Variants in CNTN3 observed in about 807,000 individuals in gnomAD.
CNTN3 encodes contactin 3, also known as contactin-3.
CNTN3 carries 60 observed loss-of-function variants against 119.1 expected under a neutral mutation model. That is an observed-to-expected ratio of 0.50 (90% confidence interval 0.41 to 0.62). CNTN3 has a LOEUF of 0.62. CNTN3 is among the 20% of genes least tolerant of loss of function. The pLI, the probability that CNTN3 is intolerant of heterozygous loss-of-function variation, is 0.00. For synonymous variants in CNTN3, 450 were observed against 438.7 expected, an observed-to-expected ratio of 1.03 and a Z score of -0.32; for missense variants, 1,101 against 1,242.4, an observed-to-expected ratio of 0.89 and a Z score of 1.71.
At chr3:74,484,660 A>T (rs879397450) in intron 4 of CNTN3, among the ~76,000 whole-genome samples, 3 of 152,174 alleles carry the variant, frequency 2.0e-5, no homozygotes, top group Non-Finnish European at 4.4e-5. Context: ...ATGAAGAAAA[A>T]ATAATCCTCC....
At chr3:74,390,740 C>T (rs142889019) in intron 5 of CNTN3, among the ~76,000 whole-genome samples, 123 of 152,244 alleles carry the variant, frequency 8.1e-4, no homozygotes, top group African/African-American at 2.8e-3. Flanking sequence ...TAACACTTAG[C>T]AGATGCTTCC....
intron 11 of CNTN3, among the ~76,000 whole-genome samples, chr3:74,339,538 T>C (rs1397187518): frequency 2.0e-5 from 3 of 152,168 alleles, no homozygotes; most frequent in Non-Finnish European, 4.4e-5. Context: ...ACATTCTCTG[T>C]GCTTTCTTCA....
intron 1 of CNTN3, among the ~76,000 whole-genome samples, chr3:74,533,942 A>G (rs1238573437): frequency 1.3e-5 from 2 of 152,044 alleles, no homozygotes; most frequent in African/African-American, 4.8e-5. Flanking sequence ...ATACTCTGCC[A>G]TACCACAGGA....
At chr3:74,550,442 T>C (rs914673837) in intron 1 of CNTN3, among the ~76,000 whole-genome samples, 1 of 152,216 alleles carries the variant, frequency 6.6e-6, no homozygotes, top group Non-Finnish European at 1.5e-5. Flanking sequence ...AGAAAGCATC[T>C]GCAATTGCAT....
At chr3:74,285,523 G>C in intron 19 of CNTN3, 32 bp from the exon 20 acceptor site, 1 of 1,562,136 alleles carries the variant, frequency 6.4e-7, no homozygotes, top group South Asian at 1.2e-5. Context: ...ACATGTGAAG[G>C]CTTAAAAAAT....
chr3:74,578,843 C>G (rs1704457703), intron 1 of CNTN3, among the ~76,000 whole-genome samples: 1 of 151,814 alleles, frequency 6.6e-6, no homozygotes, highest in African/African-American at 2.4e-5. Context: ...TACTGCAAGG[C>G]AGGATAAAAT....
intron 4 of CNTN3, among the ~76,000 whole-genome samples, chr3:74,444,331 T>C (rs1702015280): frequency 6.6e-6 from 1 of 152,034 alleles, no homozygotes; most frequent in Non-Finnish European, 1.5e-5. Context: ...TGAATAATAT[T>C]ATGAATAAAT....
At chr3:74,390,896 G>T (rs570618352) in intron 5 of CNTN3, among the ~76,000 whole-genome samples, 11 of 152,246 alleles carry the variant, frequency 7.2e-5, no homozygotes, top group Non-Finnish European at 1.2e-4. Context: ...ACATTAAAAA[G>T]GCACTGTGTA....
chr3:74,433,256 C>T (rs927366284), intron 4 of CNTN3, among the ~76,000 whole-genome samples: 4 of 152,102 alleles, frequency 2.6e-5, no homozygotes, highest in African/African-American at 9.7e-5. Context: ...TCCCTCATCT[C>T]CATCAGAGCT....
At chr3:74,341,775 T>A (rs1703554947) in intron 11 of CNTN3, among the ~76,000 whole-genome samples, 1 of 152,140 alleles carries the variant, frequency 6.6e-6, no homozygotes, top group Non-Finnish European at 1.5e-5. Context: ...TATGATGACA[T>A]TTAAGCATCT....
intron 3 of CNTN3, among the ~76,000 whole-genome samples, chr3:74,489,874 C>T (rs1277723485): frequency 6.6e-6 from 1 of 152,154 alleles, no homozygotes; most frequent in East Asian, 1.9e-4. Context: ...GCAAAGCTCT[C>T]AGCTCAGTGC....
At chr3:74,444,935 C>T (rs1465723344) in intron 4 of CNTN3, among the ~76,000 whole-genome samples, 1 of 151,972 alleles carries the variant, frequency 6.6e-6, no homozygotes, top group Non-Finnish European at 1.5e-5. Context: ...AAATCTCTTC[C>T]CCACAATGCC....
rs143574664 is a variant in CNTN3, at chr3:74,349,806, G to A, written c.1364+12084C>T. Reference sequence around the variant, plus strand: ...GCATGTGGGATTTTTGGGCCTGAGTGAGAAATGCTGTATGACCAAAAGAAT... The same window carrying A: ...GCATGTGGGATTTTTGGGCCTGAGTAAGAAATGCTGTATGACCAAAAGAAT... On this transcript the variant is annotated intron_variant, in intron 11 of 22. Transcript: ENST00000263665. 6.6e-3 allele frequency among the ~76,000 whole-genome samples: 999 copies of A among 152,308 alleles called. 5 individuals carry two copies. The highest frequency in any genetic ancestry group is 1.0e-2 in the Non-Finnish European group (677 of 68,022).
chr3:74,410,031 T>C (rs1006927897), intron 5 of CNTN3, among the ~76,000 whole-genome samples: 1 of 152,286 alleles, frequency 6.6e-6, no homozygotes, highest in South Asian at 2.1e-4. Context: ...TGTGAATCAA[T>C]GCATTTTGGA....
At chr3:74,270,534 C>T (rs1430187080) in intron 20 of CNTN3, among the ~76,000 whole-genome samples, 1 of 152,122 alleles carries the variant, frequency 6.6e-6, no homozygotes. Context: ...TTTGAGGTGC[C>T]TCAGCCTGGA....
intron 1 of CNTN3, among the ~76,000 whole-genome samples, chr3:74,548,624 G>A (rs912291292): frequency 2.0e-5 from 3 of 151,908 alleles, no homozygotes; most frequent in African/African-American, 7.3e-5. Flanking sequence ...GTCGCCAATA[G>A]GTTCTTGAAA....
chr3:74,512,692 C>CAAAAAATAAAAAAAAA (rs1703388056), intron 2 of CNTN3, among the ~76,000 whole-genome samples: 1 of 85,260 alleles, frequency 1.2e-5, no homozygotes, highest in Non-Finnish European at 2.1e-5. Context: ...CATAATCAAG[C>CAAAAAATAAAAAAAAA]AAAAAAAAAA....
At chr3:74,393,882 T>C (rs4325885) in intron 5 of CNTN3, among the ~76,000 whole-genome samples, 79,168 of 151,992 alleles carry the variant, frequency 0.52, 21,336 homozygotes, top group Middle Eastern at 0.66. Flanking sequence ...TCTCTGAAAG[T>C]TTAATAGCAA....
At chr3:74,295,057 T>G in intron 19 of CNTN3, 64 bp downstream of exon 19, 1 of 1,151,828 alleles carries the variant, frequency 8.7e-7, no homozygotes, top group Non-Finnish European at 1.3e-6. Flanking sequence ...TTAAGGGTTT[T>G]AAATTCAAGG....
Sources: gnomAD v4.1 joint callset for allele counts (sites outside exome capture counted in the v4.1 genomes callset) on GRCh38, gnomAD v4.1.1 for gene constraint, MANE v1.5 for transcripts, NCBI Gene and HGNC (gene_info 2026-07-23, HGNC 2026-07-21) for gene names.